Variants in TBC1D8 observed in about 807,000 individuals in gnomAD.
TBC1D8 encodes the protein TBC1 domain family member 8, also known as BUB2-like protein 1.
A neutral mutation model predicts 118.8 loss-of-function variants in TBC1D8; 65 were observed. That is an observed-to-expected ratio of 0.55 (90% CI 0.45 to 0.67). The LOEUF (loss-of-function observed/expected upper bound fraction) is 0.67. Ranked by LOEUF, TBC1D8 falls within the 30% of genes least tolerant of loss-of-function variation. The pLI, the probability that TBC1D8 is intolerant of heterozygous loss-of-function variation, is 0.00. For synonymous variants in TBC1D8, 566 were observed against 595.8 expected (o/e 0.95, Z 0.73); for missense variants, 1,376 against 1,471.2 (o/e 0.94, Z 1.06).
At chr2:101,084,061 A>G (rs1031388741) in intron 2 of TBC1D8, among the ~76,000 whole-genome samples, 1 of 152,204 alleles carries the variant, frequency 6.6e-6, no homozygotes, top group Non-Finnish European at 1.5e-5. Context: ...ATGCATCTAC[A>G]GACCTGGCCC....
chr2:101,031,447 C>A (rs1433123300), intron 11 of TBC1D8, among the ~76,000 whole-genome samples: 1 of 152,178 alleles, frequency 6.6e-6, no homozygotes, highest in African/African-American at 2.4e-5. Context: ...GCTCCTATAT[C>A]CACTCGGTTG....
rs1009820917 is a variant in TBC1D8 at position 101,027,513 on chromosome 2, C to G, written c.2452-62G>C. Reference sequence around the variant, plus strand: ...AGGCCTGCACCCCCAGGGGTCAGGGCAAGAGGGGACTCTTCCTCCTGAAGG... The same window carrying G: ...AGGCCTGCACCCCCAGGGGTCAGGGGAAGAGGGGACTCTTCCTCCTGAAGG... On this transcript the variant is annotated intron_variant, in intron 14 of 19. Transcript: ENST00000409318. The G allele has an allele frequency of 2.7e-6, 4 of 1,470,490 alleles. No homozygotes were observed. The African/African-American group carries it at 5.6e-5, about 20-fold the overall frequency. 91.1% of individuals were successfully genotyped at this position (1,470,490 alleles called of 1,614,324 possible). A position where few individuals can be genotyped will look rare whatever the true frequency, so the allele number is the denominator to read the frequency against.
At chr2:101,049,971 C>G (rs1047994057) in intron 5 of TBC1D8, among the ~76,000 whole-genome samples, 3 of 151,678 alleles carry the variant, frequency 2.0e-5, no homozygotes, top group African/African-American at 7.3e-5. Flanking sequence ...GGACTACAGG[C>G]GCCTGCCACC....
chr2:101,095,400 CCCT>C (rs1346784924), intron 1 of TBC1D8, among the ~76,000 whole-genome samples: 12 of 134,974 alleles, frequency 8.9e-5, no homozygotes, highest in African/African-American at 3.0e-4. Context: ...ATCTCCCCCC[CCCT>C]CCCCCCACCC....
intron 6 of TBC1D8, among the ~76,000 whole-genome samples, chr2:101,039,647 A>C (rs1681255826): frequency 6.6e-6 from 1 of 152,160 alleles, no homozygotes; most frequent in Non-Finnish European, 1.5e-5. Flanking sequence ...CATTTCCAAG[A>C]AGAGAATTGC....
chr2:101,100,131 C>T (rs1365298073), intron 1 of TBC1D8, among the ~76,000 whole-genome samples: 1 of 152,084 alleles, frequency 6.6e-6, no homozygotes, highest in Non-Finnish European at 1.5e-5. Context: ...CAGCCCAAAA[C>T]CTTATTGAAC....
intron 2 of TBC1D8, among the ~76,000 whole-genome samples, chr2:101,069,880 G>A (rs1683214480): frequency 6.6e-6 from 1 of 150,966 alleles, no homozygotes; most frequent in African/African-American, 2.4e-5. Flanking sequence ...TTGGACACAA[G>A]GAACTAAATA....
In TBC1D8 at chr2:101,123,110, C is replaced by A. The variant is rs1212820098; in HGVS notation, c.127+28017G>T. On this transcript the variant is annotated intron_variant, in intron 1 of 19. Transcript: ENST00000409318. Reference sequence around the variant, plus strand: ...AGGAAACTGGGCATGGTGGTGCGCACCTTGTAGTCCAAGCCACTCAGGAGG... The same window carrying A: ...AGGAAACTGGGCATGGTGGTGCGCAACTTGTAGTCCAAGCCACTCAGGAGG... 2.0e-5 allele frequency among the ~76,000 whole-genome samples: 3 copies of A among 152,216 alleles called. No homozygotes were observed. The East Asian group carries it at 5.8e-4, about 29-fold the overall frequency.
chr2:101,087,655 A>AG (rs1675729647), intron 2 of TBC1D8, among the ~76,000 whole-genome samples: 1 of 152,100 alleles, frequency 6.6e-6, no homozygotes, highest in East Asian at 1.9e-4. Flanking sequence ...AAAAAAAAAA[A>AG]AAAAAAATTC....
chr2:101,059,627 AT>A (rs1190850377), intron 2 of TBC1D8, 88 bp from the exon 3 acceptor site: 1 of 1,163,404 alleles, frequency 8.6e-7, no homozygotes, highest in African/African-American at 1.5e-5. Flanking sequence ...AATATTGTGT[AT>A]CCCCATGTTG....
intron 17 of TBC1D8, among the ~76,000 whole-genome samples, chr2:101,019,925 A>C (rs548840570): frequency 2.6e-5 from 4 of 151,932 alleles, no homozygotes; most frequent in African/African-American, 9.7e-5. Flanking sequence ...ACAAAAAATT[A>C]GCTGGGCATG....
At chr2:101,015,372 A>G (rs550465499) in intron 17 of TBC1D8, among the ~76,000 whole-genome samples, 1 of 152,354 alleles carries the variant, frequency 6.6e-6, no homozygotes, top group East Asian at 1.9e-4. Context: ...GCACACTGCC[A>G]TAGACTTTAT....
chr2:101,046,230 ACGGCCACTAGGCTCACCTGG>A (rs1302249004), intron 5 of TBC1D8, among the ~76,000 whole-genome samples: 1 of 152,220 alleles, frequency 6.6e-6, no homozygotes, highest in Non-Finnish European at 1.5e-5. Context: ...ACTGCAGCCC[ACGGCCACTAGGCTCACCTGG>A]CTGTCAGGCG....
intron 1 of TBC1D8, among the ~76,000 whole-genome samples, chr2:101,147,837 G>A (rs948590153): frequency 6.6e-6 from 1 of 152,096 alleles, no homozygotes; most frequent in Non-Finnish European, 1.5e-5. Context: ...ACATCTCCGG[G>A]CTCTTTGTTC....
intron 3 of TBC1D8, among the ~76,000 whole-genome samples, chr2:101,055,085 A>G (rs1415184573): frequency 2.0e-5 from 3 of 152,012 alleles, no homozygotes; most frequent in Non-Finnish European, 2.9e-5. Context: ...CCCAACTTTA[A>G]GATAAAAGTT....
intron 2 of TBC1D8, among the ~76,000 whole-genome samples, chr2:101,089,160 C>G (rs577410988): frequency 3.3e-5 from 5 of 152,136 alleles, no homozygotes; most frequent in African/African-American, 7.2e-5. Flanking sequence ...GACCACCACC[C>G]TGGCCAACAT....
At position 101,007,941 on chromosome 2, in the gene TBC1D8, A is replaced by G. The variant is rs778651202; in HGVS notation, c.3348T>C (p.Phe1116=). The part of the protein sequence containing the change: ...SLLTEQSLVN[F]FEKPLDMKSK... Reference sequence around the variant, plus strand: ...ATTTCATGTCCAGTGGCTTTTCAAAAAAGTTGACTAATGACTGTTCAGTCA... The same window carrying G: ...ATTTCATGTCCAGTGGCTTTTCAAAGAAGTTGACTAATGACTGTTCAGTCA... The change falls in exon 20 of 20, where the codon TTT becomes TTC. Residue 1116 remains phenylalanine (F), a synonymous_variant. Transcript: ENST00000409318. The G allele has an allele frequency of 6.2e-7, 1 of 1,614,060 alleles. No homozygotes were observed. Among genetic ancestry groups the G allele is most frequent in the Non-Finnish European group, 8.5e-7 (1 of 1,179,900 alleles).
At position 101,015,458 on chromosome 2, in the gene TBC1D8, G is replaced by A. The variant is rs536108469; in HGVS notation, c.2828-3918C>T. The stretch of plus-strand genomic sequence containing the variant: ...AATAATAAATTAACCTCAGCTTACT[G>A]TAACTTTTTACTTTATAAACTTTTT... On this transcript the variant is annotated intron_variant, in intron 17 of 19. Transcript: ENST00000409318. Among the ~76,000 whole-genome samples the A allele has an allele frequency of 3.3e-5, 5 of 152,276 alleles. No individual in the cohort carries two copies. In the East Asian group the frequency reaches 9.6e-4, roughly 29 times the overall value.
intron 2 of TBC1D8, among the ~76,000 whole-genome samples, chr2:101,085,645 G>A (rs1558687909): frequency 1.3e-5 from 2 of 152,156 alleles, no homozygotes; most frequent in Non-Finnish European, 2.9e-5. Flanking sequence ...ATGAATGGAT[G>A]AGAACGCAAG....
Sources: allele counts gnomAD v4.1 joint callset (sites outside exome capture counted in the v4.1 genomes callset), GRCh38; gene constraint gnomAD v4.1.1; transcripts MANE v1.5; gene names NCBI Gene and HGNC (gene_info 2026-07-23, HGNC 2026-07-21).